Variants in JAML observed in about 807,000 individuals in gnomAD.
JAML encodes junction adhesion molecule like.
Under a neutral mutation model 39.3 loss-of-function variants are expected in JAML, and 25 were observed. The observed-to-expected ratio is 0.64, with a 90% CI of 0.46 to 0.89. The LOEUF is 0.89. JAML is among the 40% of genes least tolerant of loss of function. JAML has a pLI of 0.00. For synonymous variants in JAML, 162 were observed against 179.2 expected (o/e 0.90, Z 0.77); for missense variants, 440 against 486.9 (o/e 0.90, Z 0.91).
chr11:118,213,031 T>G, intron 2 of JAML: 1 of 1,608,026 alleles, frequency 6.2e-7, no homozygotes, highest in Non-Finnish European at 8.5e-7. Context: ...TACAAAAGCA[T>G]TTGCTGGCTG....
intron 6 of JAML, chr11:118,202,351 CAT>C (rs1183696481): frequency 6.5e-6 from 1 of 152,728 alleles, no homozygotes; most frequent in Admixed American, 6.5e-5. Flanking sequence ...GAAAAAAAGA[CAT>C]AGAATGGAGC....
intron 3 of JAML, among the ~76,000 whole-genome samples, chr11:118,211,245 TG>T (rs1949054122): frequency 6.6e-6 from 1 of 152,156 alleles, no homozygotes; most frequent in South Asian, 2.1e-4. Context: ...GGAATTCTTT[TG>T]TTTTTGGTTT....
chr11:118,200,553 T>C lies in JAML; in HGVS notation c.832A>G (p.Ile278Val), dbSNP rs923036892. Residue 278 changes from isoleucine (I) to valine (V), a missense_variant, in exon 7 of 10, where the codon ATT (isoleucine) becomes GTT (valine). Ile to Val is a conservative substitution (Grantham distance 29). Transcript: ENST00000356289. Reference protein sequence around the residue: ...LVLGGNQLVIIVGIVCATILL... With the variant: ...LVLGGNQLVIVVGIVCATILL... ...ATTGTGGCACAGACAATTCCCACAA[T>C]GATCACCAACTGATTACCACCCAAG... is the stretch of plus-strand genomic sequence containing the variant. 3.7e-6 allele frequency: 6 copies of C among 1,614,090 alleles called. No individual in the cohort carries two copies. Among genetic ancestry groups the C allele is most frequent in the South Asian group, 2.2e-5 (2 of 91,076 alleles).
Position 118,201,978 on chromosome 11 carries a change from C to T in JAML, c.773-1366G>A, listed in dbSNP as rs557968628. ...TTGTGTAGAGTTGACTAAGTATATCCATGGGTGTGTGTGGAACTGTGTCCA... is the reference window on the plus strand; with the variant it reads ...TTGTGTAGAGTTGACTAAGTATATCTATGGGTGTGTGTGGAACTGTGTCCA... On this transcript the variant is annotated intron_variant, in intron 6 of 9. Transcript: ENST00000356289. 9.1e-3 allele frequency: 1,386 copies of T among 152,290 alleles called. 7 individuals carry two copies. Among genetic ancestry groups the T allele is most frequent in the South Asian group, 0.021 (99 of 4,820 alleles). 9.4% of individuals were successfully genotyped at this position (152,290 alleles called of 1,614,324 possible). A position where few individuals can be genotyped will look rare whatever the true frequency, so the allele number is the denominator to read the frequency against.
chr11:118,215,285 G>A (rs541897906), intron 1 of JAML, among the ~76,000 whole-genome samples: 2 of 152,262 alleles, frequency 1.3e-5, no homozygotes, highest in Admixed American at 1.3e-4. Flanking sequence ...CTACCTGTAT[G>A]TTTCACACAA....
chr11:118,198,848 G>C (rs3018382), intron 7 of JAML, among the ~76,000 whole-genome samples: 121,167 of 152,118 alleles, frequency 0.8, 48,675 homozygotes, highest in African/African-American at 0.9. Flanking sequence ...CCTGCAACCC[G>C]TCACCCCATG....
At chr11:118,216,652 T>C (rs1310201595) in intron 1 of JAML, among the ~76,000 whole-genome samples, 1 of 152,174 alleles carries the variant, frequency 6.6e-6, no homozygotes, top group Non-Finnish European at 1.5e-5. Flanking sequence ...GAAACAGAGT[T>C]TGTAGCTTTA....
At chr11:118,209,609 C>T (rs531554354) in intron 4 of JAML, among the ~76,000 whole-genome samples, 61 of 152,306 alleles carry the variant, frequency 4.0e-4, no homozygotes, top group African/African-American at 1.4e-3. Context: ...CAACCTCCAC[C>T]TCCTGGGCTC....
intron 3 of JAML, 142 bp downstream of exon 3, chr11:118,212,265 C>T (rs1272432924): frequency 3.0e-6 from 3 of 999,792 alleles, no homozygotes; most frequent in African/African-American, 1.6e-5. Context: ...TGAGCTAGGA[C>T]GAGGCCCAGT....
Position 118,194,203 on chromosome 11 carries a change from C to A in JAML, c.*122G>T, listed in dbSNP as rs923159370. 2.3e-6 allele frequency: 2 copies of A among 865,870 alleles called. No individual in the cohort carries two copies. The highest frequency in any genetic ancestry group is 4.0e-5 in the Admixed American group (2 of 49,982). The allele number at this position is 865,870 out of a possible 1,614,324, so 53.6% of individuals were successfully genotyped here. A position where few individuals can be genotyped will look rare whatever the true frequency, so the allele number is the denominator to read the frequency against. ...AATTCTCCATCTTCAGTGTATTGAC[C>A]AAACAATGAGACAGGAGGACAGCTG... On this transcript the variant is annotated 3_prime_UTR_variant, in exon 10 of 10. Coordinates refer to ENST00000356289, the MANE Select transcript of JAML (RefSeq NM_001098526.2).
intron 3 of JAML, among the ~76,000 whole-genome samples, chr11:118,212,142 T>C (rs1949074409): frequency 1.3e-5 from 2 of 152,196 alleles, no homozygotes; most frequent in Admixed American, 1.3e-4. Flanking sequence ...CCTTAACTAC[T>C]TGAAAGGTAA....
Position 118,196,747 on chromosome 11 carries a change from G to A in JAML, c.1080C>T (p.Thr360=), listed in dbSNP as rs764658369. The A allele has an allele frequency of 7.5e-6, 12 of 1,609,922 alleles. No individual in the cohort carries two copies. The highest frequency in any genetic ancestry group is 9.4e-6 in the Non-Finnish European group (11 of 1,176,360). The part of the protein sequence containing the change: ...EEEPSEKSEA[T]YMTMHPVWPS... ...GAATCATTCTCACCATGGTCATGTA[G>A]GTGGCCTCTGATTTTTCACTTGGTT... is the stretch of plus-strand genomic sequence containing the variant. Residue 360 remains threonine (T), a synonymous_variant, in exon 9 of 10, where the codon ACC becomes ACT. Coordinates refer to ENST00000356289, the MANE Select transcript of JAML (RefSeq NM_001098526.2).
chr11:118,218,536 C>A (rs1949172768), intron 1 of JAML, among the ~76,000 whole-genome samples: 1 of 152,188 alleles, frequency 6.6e-6, no homozygotes, highest in Non-Finnish European at 1.5e-5. Flanking sequence ...AAGCCAAGAG[C>A]CATGCCCATG....
At chr11:118,207,442 A>G (rs1167181012) in intron 4 of JAML, among the ~76,000 whole-genome samples, 5 of 152,188 alleles carry the variant, frequency 3.3e-5, no homozygotes, top group African/African-American at 1.2e-4. Context: ...GAGTTTTCTC[A>G]CTCACTCTAC....
At chr11:118,206,373 G>A (rs1948915955) in intron 4 of JAML, among the ~76,000 whole-genome samples, 1 of 152,026 alleles carries the variant, frequency 6.6e-6, no homozygotes, top group South Asian at 2.1e-4. Flanking sequence ...TTCACATCAA[G>A]TTTGTACTAA....
At chr11:118,205,668 C>T (rs1257387315) in intron 5 of JAML, 1 of 545,000 alleles carries the variant, frequency 1.8e-6, no homozygotes, top group East Asian at 3.1e-5. Flanking sequence ...TATCGGCATC[C>T]AAAAAGTTAA....
Position 118,196,977 on chromosome 11 carries a change from A to G in JAML, c.1006-156T>C, listed in dbSNP as rs1948671712. On this transcript the variant is annotated intron_variant, in intron 8 of 9. Transcript: ENST00000356289. ...AGAGAATTCTCAACAATGATAATTC[A>G]GTCTTCAGTCTTCTTGAAAATTAAC... 5 of 590,072 alleles carry G rather than the reference A, an allele frequency of 8.5e-6. No individual in the cohort carries two copies. In the South Asian group the frequency reaches 1.0e-4, roughly 12 times the overall value. 36.6% of individuals were successfully genotyped at this position (590,072 alleles called of 1,614,324 possible).
In JAML at chr11:118,196,722, G is replaced by A; in HGVS notation, c.1092+13C>T. 1 of 1,603,834 alleles carries A rather than the reference G, an allele frequency of 6.2e-7. No individual in the cohort carries two copies. Among genetic ancestry groups the A allele is most frequent in the Non-Finnish European group, 8.5e-7 (1 of 1,170,838 alleles). On this transcript the variant is annotated intron_variant, in intron 9 of 9. Coordinates refer to ENST00000356289, the MANE Select transcript of JAML (RefSeq NM_001098526.2). ...CTGACACCTGGCTCAGCTGAGGCCA[G>A]AATCATTCTCACCATGGTCATGTAG...
At chr11:118,205,692 C>CTTCTTG in intron 5 of JAML, 190 bp downstream of exon 5, 1 of 580,566 alleles carries the variant, frequency 1.7e-6, no homozygotes, top group Non-Finnish European at 3.1e-6. Context: ...TCATCATCAT[C>CTTCTTG]TTCTTGTTCT....
Sources: allele counts gnomAD v4.1 joint callset (sites outside exome capture counted in the v4.1 genomes callset), GRCh38; gene constraint gnomAD v4.1.1; transcripts MANE v1.5; gene names NCBI Gene and HGNC (gene_info 2026-07-23, HGNC 2026-07-21).